The following SHROOM3 variants were observed in gnomAD, a reference collection of about 807,000 sequenced individuals.
SHROOM3 encodes protein Shroom3.
SHROOM3 carries 47 observed loss-of-function variants against 138.6 expected under a neutral mutation model. The observed-to-expected ratio is 0.34, with a 90% CI of 0.27 to 0.43. The LOEUF (loss-of-function observed/expected upper bound fraction) is 0.43, where lower values mean the gene tolerates loss of function less well. SHROOM3 is among the 20% of genes least tolerant of loss of function. The pLI, the probability that SHROOM3 is intolerant of heterozygous loss-of-function variation, is 1.00. For missense variants in SHROOM3, 2,491 were observed against 2,596.5 expected (o/e 0.96, Z 0.88); for synonymous variants, 1,062 against 1,063.3 (o/e 1.00, Z 0.02).
chr4:76,552,900 A>C (rs889373048), intron 1 of SHROOM3, among the ~76,000 whole-genome samples: 1 of 152,128 alleles, frequency 6.6e-6, no homozygotes, highest in African/African-American at 2.4e-5. Context: ...ATCCATTGGC[A>C]TGTGACCCAG....
At chr4:76,457,584 T>C (rs1731054332) in intron 1 of SHROOM3, among the ~76,000 whole-genome samples, 1 of 151,214 alleles carries the variant, frequency 6.6e-6, no homozygotes, top group Admixed American at 6.6e-5. Context: ...CTCTGCCTCC[T>C]GGGTTCAAGC....
intron 1 of SHROOM3, among the ~76,000 whole-genome samples, chr4:76,504,683 A>G (rs1236437060): frequency 6.6e-6 from 1 of 152,172 alleles, no homozygotes; most frequent in African/African-American, 2.4e-5. Context: ...CCTGCCCCTA[A>G]AGTCCGATAC....
chr4:76,443,529 T>A (rs1730741021), intron 1 of SHROOM3, among the ~76,000 whole-genome samples: 1 of 152,234 alleles, frequency 6.6e-6, no homozygotes, highest in South Asian at 2.1e-4. Flanking sequence ...ACAGTGAACA[T>A]CTTATCCAAA....
At chr4:76,478,776 G>A (rs556588277) in intron 1 of SHROOM3, among the ~76,000 whole-genome samples, 1 of 152,330 alleles carries the variant, frequency 6.6e-6, no homozygotes, top group African/African-American at 2.4e-5. Flanking sequence ...AGCTTCCAGA[G>A]GAAGGAACAG....
chr4:76,740,645 C>T lies in SHROOM3; in HGVS notation c.2472C>T (p.Asp824=). 4 of 1,614,168 alleles carry T rather than the reference C, an allele frequency of 2.5e-6. No homozygotes were observed. The highest frequency in any genetic ancestry group is 3.4e-6 in the Non-Finnish European group (4 of 1,180,036). ...CAACTTCCAGTACTTCTGGGAATGA[C>T]TTCGAGGAGACAAAAGCACACATTC... ...TVSTSSTSGN[D]FEETKAHIRF... The change falls in exon 5 of 11, where the codon GAC becomes GAT. Residue 824 remains aspartate, a synonymous_variant. Transcript: ENST00000296043. The surrounding 1 kb of genome is among the most constrained non-coding windows in gnomAD (Gnocchi z 4.0).
At chr4:76,650,701 C>A (rs868767167) in intron 2 of SHROOM3, among the ~76,000 whole-genome samples, 2 of 152,026 alleles carry the variant, frequency 1.3e-5, no homozygotes, top group African/African-American at 2.4e-5. Context: ...TATGCCACCA[C>A]GCCCAGCTAA....
intron 2 of SHROOM3, among the ~76,000 whole-genome samples, chr4:76,696,382 T>C (rs1719730246): frequency 6.6e-6 from 1 of 152,178 alleles, no homozygotes; most frequent in East Asian, 1.9e-4. Flanking sequence ...AATGTGATAG[T>C]GAGAGGAGGC....
intron 1 of SHROOM3, among the ~76,000 whole-genome samples, chr4:76,546,987 T>TCC (rs1733234285): frequency 6.6e-6 from 1 of 152,236 alleles, no homozygotes; most frequent in Non-Finnish European, 1.5e-5. Flanking sequence ...TGTAAATGAA[T>TCC]CATTCCCTGT....
intron 1 of SHROOM3, among the ~76,000 whole-genome samples, chr4:76,507,213 A>G (rs568405331): frequency 6.6e-6 from 1 of 152,340 alleles, no homozygotes; most frequent in East Asian, 1.9e-4. Flanking sequence ...GAGGAAAACT[A>G]AAAAGGACAT....
chr4:76,616,181 G>T (rs961976648), intron 2 of SHROOM3, among the ~76,000 whole-genome samples: 2 of 152,164 alleles, frequency 1.3e-5, no homozygotes, highest in Admixed American at 1.3e-4. Context: ...TCATACGGGG[G>T]TTAGGTAAGA....
At chr4:76,626,685 C>G (rs903314536) in intron 2 of SHROOM3, among the ~76,000 whole-genome samples, 1 of 152,174 alleles carries the variant, frequency 6.6e-6, no homozygotes, top group African/African-American at 2.4e-5. Context: ...GTGGTATTGT[C>G]CCTCTTTACA....
At position 76,740,456 on chromosome 4, in the gene SHROOM3, C is replaced by G; in HGVS notation, c.2283C>G (p.Pro761=). ...CATCCAGTCTGGGCCGGAGGGGGCC[C>G]GGCCCAGGCAGCGCCTCGGCTCTTC... ...PHTSSLGRRG[P]GPGSASALQG... is the part of the protein sequence containing the mutation. The change falls in exon 5 of 11, where the codon CCC becomes CCG. Residue 761 remains proline, a synonymous_variant. Transcript: ENST00000296043. This position sits in a 1 kb window ranked among gnomAD's most constrained non-coding sequence, Gnocchi z 4.0. 1.2e-6 allele frequency: 2 copies of G among 1,611,422 alleles called. No homozygotes were observed. Among genetic ancestry groups the G allele is most frequent in the Non-Finnish European group, 1.7e-6 (2 of 1,178,578 alleles).
chr4:76,560,273 T>C (rs1282100440), intron 2 of SHROOM3, among the ~76,000 whole-genome samples: 3 of 152,208 alleles, frequency 2.0e-5, no homozygotes, highest in Non-Finnish European at 4.4e-5. Flanking sequence ...CTGAGGGTAA[T>C]GGAAGTTGCG....
rs1722725531 is a variant in SHROOM3, at chr4:76,781,158, C to T, written c.*1981C>T. On this transcript the variant is annotated 3_prime_UTR_variant, in exon 11 of 11. Transcript: ENST00000296043. ...TTTATTTTCTTGAGAAAGGGTCTTA[C>T]TATGTTGCCCAGGCTGGAGTGCAGA... 6.6e-6 allele frequency: 1 copy of T among 152,172 alleles called. No homozygotes were observed. Among genetic ancestry groups the T allele is most frequent in the African/African-American group, 2.4e-5 (1 of 41,442 alleles). The allele number at this position is 152,172 out of a possible 1,614,324, so 9.4% of individuals were successfully genotyped here.
At chr4:76,646,225 A>AATAAAAATAT (rs61374645) in intron 2 of SHROOM3, among the ~76,000 whole-genome samples, 1 of 96,268 alleles carries the variant, frequency 1.0e-5, no homozygotes, top group East Asian at 4.3e-4. Flanking sequence ...ATAATAAATA[A>AATAAAAATAT]ATATATATAT....
At position 76,754,969 on chromosome 4, in the gene SHROOM3, G is replaced by A. The variant is rs1578021524; in HGVS notation, c.4486G>A (p.Asp1496Asn). Residue 1496 changes from aspartate (D) to asparagine (N), a missense_variant, in exon 7 of 11, where the codon GAC (aspartate) becomes AAC (asparagine). Around this residue, in one of 4 missense-constraint regions of SHROOM3, gnomAD observed 1,733 missense variants for 1,661.6 expected, o/e 1.04. Coordinates refer to ENST00000296043, the MANE Select transcript of SHROOM3 (RefSeq NM_020859.4). ...SLRISESVLRDSPPPHEDYED... is the reference protein window; with the variant it reads ...SLRISESVLRNSPPPHEDYED... ...CCGAATATCTGAGTCTGTCCTGCGG[G>A]ACTCCCCGCCACCTCATGAGGATTA... 6.2e-7 allele frequency: 1 copy of A among 1,614,106 alleles called. No homozygotes were observed. Among genetic ancestry groups the A allele is most frequent in the African/African-American group, 1.3e-5 (1 of 75,028 alleles).
intron 2 of SHROOM3, among the ~76,000 whole-genome samples, chr4:76,653,062 C>T (rs1735995860): frequency 6.6e-6 from 1 of 152,186 alleles, no homozygotes; most frequent in Middle Eastern, 3.4e-3. Context: ...TAGAACTGAT[C>T]TCCCTTAAGT....
chr4:76,720,613 C>CTT (rs35881578), intron 3 of SHROOM3, among the ~76,000 whole-genome samples: 9 of 135,718 alleles, frequency 6.6e-5, no homozygotes, highest in African/African-American at 8.0e-5. Flanking sequence ...TGAATTCTTT[C>CTT]TTTTTTTTTT....
intron 2 of SHROOM3, among the ~76,000 whole-genome samples, chr4:76,690,447 G>A (rs745869433): frequency 2.0e-5 from 3 of 152,214 alleles, no homozygotes; most frequent in Non-Finnish European, 2.9e-5. Context: ...GAGCAAATGG[G>A]TGCCCTGCAT....
Sources: gnomAD v4.1 joint callset for allele counts (sites outside exome capture counted in the v4.1 genomes callset) on GRCh38, gnomAD v4.1.1 for gene constraint, gnomAD v4.1.1 regional missense constraint, Gnocchi (gnomAD v3.1) non-coding constraint, MANE v1.5 for transcripts, NCBI Gene and HGNC (gene_info 2026-07-23, HGNC 2026-07-21) for gene names.